SSBP3: variants seen among roughly 807,000 people sequenced by gnomAD.
SSBP3 encodes single stranded DNA binding protein 3.
SSBP3 carries 5 observed loss-of-function variants against 69.6 expected under a neutral mutation model. The observed-to-expected ratio is 0.07, with a 90% CI of 0.04 to 0.15. SSBP3 has a LOEUF of 0.15. SSBP3 is among the 10% of genes least tolerant of loss of function. The pLI is 1.00. For synonymous variants in SSBP3, 196 were observed against 193.4 expected (o/e 1.01, Z -0.11); for missense variants, 312 against 534.0 (o/e 0.58, Z 4.10).
In SSBP3 at chr1:54,364,134, G is replaced by A. The variant is rs530340191; in HGVS notation, c.276+37727C>T. Among the ~76,000 whole-genome samples the A allele has an allele frequency of 2.1e-3, 315 of 152,324 alleles. 1 individual carries two copies. Among genetic ancestry groups the A allele is most frequent in the African/African-American group, 7.2e-3 (301 of 41,572 alleles). The stretch of plus-strand genomic sequence containing the variant: ...GGCCTTACTTATACCACCTGTATTT[G>A]TAAATAAAGTTTTATTGGGACACAA... On this transcript the variant is annotated intron_variant, in intron 4 of 17. Transcript: ENST00000610401.
intron 4 of SSBP3, among the ~76,000 whole-genome samples, chr1:54,292,308 T>A (rs909489275): frequency 3.9e-5 from 6 of 152,214 alleles, no homozygotes; most frequent in African/African-American, 1.4e-4. Flanking sequence ...AAGAGAGGAC[T>A]ATAGCTTGGC....
At chr1:54,366,658 G>C (rs1172971385) in intron 4 of SSBP3, among the ~76,000 whole-genome samples, 1 of 152,140 alleles carries the variant, frequency 6.6e-6, no homozygotes, top group East Asian at 1.9e-4. Flanking sequence ...GTGAAGGGCA[G>C]GGAGTTTTGC....
intron 5 of SSBP3, among the ~76,000 whole-genome samples, chr1:54,263,845 C>G (rs1023421128): frequency 6.6e-6 from 1 of 152,152 alleles, no homozygotes; most frequent in African/African-American, 2.4e-5. Context: ...CCAGCAAGCC[C>G]CGGGGCAGGC....
chr1:54,234,543 T>C (rs1029185943), intron 14 of SSBP3, among the ~76,000 whole-genome samples: 4 of 152,158 alleles, frequency 2.6e-5, no homozygotes, highest in African/African-American at 7.2e-5. Context: ...GAGCCATGAC[T>C]GTGACACTGC....
intron 14 of SSBP3, chr1:54,238,174 C>T (rs1291689131): frequency 4.2e-6 from 2 of 471,038 alleles, no homozygotes; most frequent in South Asian, 1.5e-5. Flanking sequence ...TGGATGTAGG[C>T]AATATCCAGC....
At chr1:54,354,296 A>G (rs1646828350) in intron 4 of SSBP3, among the ~76,000 whole-genome samples, 1 of 152,232 alleles carries the variant, frequency 6.6e-6, no homozygotes, top group African/African-American at 2.4e-5. Flanking sequence ...CATGCAGGGC[A>G]GGTGGACAGA....
chr1:54,299,973 G>A (rs1227313456), intron 4 of SSBP3, among the ~76,000 whole-genome samples: 1 of 152,034 alleles, frequency 6.6e-6, no homozygotes, highest in Non-Finnish European at 1.5e-5. Flanking sequence ...CTATGCATTT[G>A]TACAGACTTC....
chr1:54,281,300 G>A (rs1229466404), intron 5 of SSBP3, 138 bp downstream of exon 5: 3 of 667,896 alleles, frequency 4.5e-6, no homozygotes, highest in Non-Finnish European at 5.1e-6. Flanking sequence ...GGGAAGGGAA[G>A]GATTTGAACC....
intron 4 of SSBP3, among the ~76,000 whole-genome samples, chr1:54,321,887 G>A (rs546717652): frequency 1.1e-4 from 17 of 152,348 alleles, no homozygotes; most frequent in African/African-American, 4.1e-4. Flanking sequence ...GAGGTTCAGT[G>A]AGCATGAGTA....
exon 13 of SSBP3, chr1:54,240,940 C>T: frequency 6.2e-7 from 1 of 1,610,888 alleles, no homozygotes; most frequent in South Asian, 1.1e-5. Context: ...TCCTGGAGGA[C>T]CGCCACCACC....
At chr1:54,402,499 C>T (rs1649384033) in intron 3 of SSBP3, among the ~76,000 whole-genome samples, 3 of 152,142 alleles carry the variant, frequency 2.0e-5, no homozygotes, top group Admixed American at 2.0e-4. Context: ...CCAGAGCCCG[C>T]ACCTCCACCC....
intron 5 of SSBP3, among the ~76,000 whole-genome samples, chr1:54,275,017 G>C (rs1430556078): frequency 6.6e-6 from 1 of 152,176 alleles, no homozygotes; most frequent in African/African-American, 2.4e-5. Flanking sequence ...CATACTGGCT[G>C]TGCCCTGTGC....
rs771284605 is a variant in SSBP3, at chr1:54,304,001, A to T, written c.277-22474T>A. ...CACAGCACTGCCTCCACGTGTTTGC[A>T]GAACGAATGATGGGTAGCACGGAGA... On this transcript the variant is annotated intron_variant, in intron 4 of 17. Coordinates refer to ENST00000610401, the Ensembl canonical transcript of SSBP3. 1.2e-3 allele frequency among the ~76,000 whole-genome samples: 185 copies of T among 152,322 alleles called. 1 individual carries two copies. The highest frequency in any genetic ancestry group is 6.8e-3 in the Middle Eastern group (2 of 294).
chr1:54,243,169 G>A, intron 10 of SSBP3, 66 bp downstream of exon 10: 1 of 1,456,030 alleles, frequency 6.9e-7, no homozygotes, highest in Non-Finnish European at 9.6e-7. Context: ...GAGTCTCCCA[G>A]GGTGCTGGCA....
At chr1:54,383,873 G>C (rs978718105) in intron 4 of SSBP3, among the ~76,000 whole-genome samples, 1 of 152,096 alleles carries the variant, frequency 6.6e-6, no homozygotes, top group Non-Finnish European at 1.5e-5. Flanking sequence ...TTGGGAGGCC[G>C]AGGCGGGCGG....
At chr1:54,302,117 T>A (rs1305385750) in intron 4 of SSBP3, among the ~76,000 whole-genome samples, 1 of 152,216 alleles carries the variant, frequency 6.6e-6, no homozygotes, top group African/African-American at 2.4e-5. Flanking sequence ...CATCGTCCCA[T>A]GTGCGCAAGG....
At chr1:54,382,203 A>G (rs775553472) in intron 4 of SSBP3, among the ~76,000 whole-genome samples, 1 of 152,226 alleles carries the variant, frequency 6.6e-6, no homozygotes, top group East Asian at 1.9e-4. Flanking sequence ...CAAAAAATAA[A>G]TAAGTAAAAA....
At chr1:54,338,227 C>T (rs572883740) in intron 4 of SSBP3, among the ~76,000 whole-genome samples, 1 of 152,358 alleles carries the variant, frequency 6.6e-6, no homozygotes, top group East Asian at 1.9e-4. Context: ...TGCAATGGGG[C>T]TGCATAGCCG....
chr1:54,234,155 C>T (rs997655882), intron 14 of SSBP3, among the ~76,000 whole-genome samples: 2 of 151,276 alleles, frequency 1.3e-5, no homozygotes, highest in Non-Finnish European at 2.9e-5. Flanking sequence ...GCAGCATGCT[C>T]GTTAAGAGTC....
Sources: gnomAD v4.1 joint callset for allele counts (sites outside exome capture counted in the v4.1 genomes callset) on GRCh38, gnomAD v4.1.1 for gene constraint, MANE v1.5 for transcripts, NCBI Gene and HGNC (gene_info 2026-07-23, HGNC 2026-07-21) for gene names.